Variants in PSMD9 observed in about 807,000 individuals in gnomAD.
PSMD9 encodes the protein 26S proteasome non-ATPase regulatory subunit 9.
In PSMD9, 26 loss-of-function variants were observed where a neutral mutation model predicts 25.9. The ratio of observed to expected loss-of-function variants is 1.00; its 90% CI spans 0.73 to 1.39. The LOEUF (loss-of-function observed/expected upper bound fraction) is 1.39. PSMD9 is among the 40% of genes most tolerant of loss of function. The pLI is 0.00. For synonymous variants in PSMD9, 110 were observed against 114.5 expected (o/e 0.96, Z 0.25); for missense variants, 303 against 299.3 (o/e 1.01, Z -0.09).
chr12:121,897,652 G>A (rs1879273775), intron 2 of PSMD9: 2 of 149,552 alleles, frequency 1.3e-5, no homozygotes, highest in African/African-American at 5.1e-5. Context: ...CGCCCGCCTC[G>A]GCCTCGACAG....
intron 4 of PSMD9, chr12:121,914,225 C>A (rs1879825728): frequency 6.6e-6 from 1 of 151,954 alleles, no homozygotes. Context: ...TATGTACTCC[C>A]CCTGCTTTAA....
At chr12:121,907,226 C>T (rs1399304969) in intron 4 of PSMD9, among the ~76,000 whole-genome samples, 4 of 151,786 alleles carry the variant, frequency 2.6e-5, no homozygotes, top group Admixed American at 2.0e-4. Context: ...CCCGCCACCA[C>T]GCCCAGCTAA....
intron 4 of PSMD9, among the ~76,000 whole-genome samples, chr12:121,906,749 G>T (rs1259922434): frequency 6.6e-6 from 1 of 151,886 alleles, no homozygotes; most frequent in Non-Finnish European, 1.5e-5. Context: ...CGGAGGCAGA[G>T]GTTGCAGTGA....
At chr12:121,908,778 G>C (rs1879632646) in intron 4 of PSMD9, among the ~76,000 whole-genome samples, 1 of 152,156 alleles carries the variant, frequency 6.6e-6, no homozygotes, top group African/African-American at 2.4e-5. Flanking sequence ...CTTCAGATGT[G>C]TATAGAAGTT....
chr12:121,910,265 T>C (rs754283969), intron 4 of PSMD9, among the ~76,000 whole-genome samples: 1 of 151,348 alleles, frequency 6.6e-6, no homozygotes, highest in Non-Finnish European at 1.5e-5. Context: ...TTTGTATTTT[T>C]AGTAGAGATG....
intron 1 of PSMD9, among the ~76,000 whole-genome samples, chr12:121,892,867 C>G (rs1402873339): frequency 6.6e-6 from 1 of 152,104 alleles, no homozygotes; most frequent in Non-Finnish European, 1.5e-5. Context: ...AAGATCTTGT[C>G]TCAAACCAAT....
chr12:121,904,468 G>A (rs943019558), intron 4 of PSMD9, among the ~76,000 whole-genome samples: 1 of 150,210 alleles, frequency 6.7e-6, no homozygotes, highest in African/African-American at 2.5e-5. Flanking sequence ...CAGTTACTTG[G>A]GAGACTGAGG....
chr12:121,899,928 T>C, intron 3 of PSMD9, 83 bp downstream of exon 3: 1 of 1,469,360 alleles, frequency 6.8e-7, no homozygotes. Context: ...AAAGACAGAC[T>C]AGTTCTCTCC....
intron 1 of PSMD9, chr12:121,893,835 G>A (rs1241189357): frequency 6.6e-6 from 1 of 152,272 alleles, no homozygotes; most frequent in Non-Finnish European, 1.5e-5. Flanking sequence ...GGGTTAGCTC[G>A]TGGTTATCTG....
intron 4 of PSMD9, among the ~76,000 whole-genome samples, chr12:121,912,834 C>T (rs1169400639): frequency 7.0e-6 from 1 of 142,890 alleles, no homozygotes; most frequent in African/African-American, 2.6e-5. Context: ...CATCACTACA[C>T]TCCAGCCTGG....
At chr12:121,907,301 C>T (rs1429144490) in intron 4 of PSMD9, among the ~76,000 whole-genome samples, 1 of 151,916 alleles carries the variant, frequency 6.6e-6, no homozygotes, top group African/African-American at 2.4e-5. Context: ...AACTCCTGAC[C>T]TCAGGTGATC....
intron 1 of PSMD9, among the ~76,000 whole-genome samples, chr12:121,891,375 C>T (rs1263190513): frequency 4.4e-5 from 6 of 136,398 alleles, no homozygotes; most frequent in East Asian, 2.3e-4. Flanking sequence ...CCGAGGCGGG[C>T]GGATCACGAG....
At chr12:121,913,120 A>G (rs1879783961) in intron 4 of PSMD9, among the ~76,000 whole-genome samples, 1 of 151,366 alleles carries the variant, frequency 6.6e-6, no homozygotes, top group South Asian at 2.1e-4. Context: ...TTGTGTGTGT[A>G]TTTTTAGTAG....
chr12:121,889,580 T>A (rs565762171), intron 1 of PSMD9, among the ~76,000 whole-genome samples: 7 of 152,210 alleles, frequency 4.6e-5, no homozygotes, highest in Non-Finnish European at 8.8e-5. Context: ...GGGGATCTTA[T>A]TAAAATGCAG....
At chr12:121,903,805 A>G (rs1374639485) in intron 4 of PSMD9, among the ~76,000 whole-genome samples, 4 of 141,716 alleles carry the variant, frequency 2.8e-5, no homozygotes, top group Non-Finnish European at 6.0e-5. Flanking sequence ...CCCAGGCTAG[A>G]GTGTGGTGGT....
rs575707468 is a variant in PSMD9, at chr12:121,904,530, C to T, written c.555+1423C>T. Among the ~76,000 whole-genome samples the T allele has an allele frequency of 1.0e-3, 155 of 150,670 alleles. 3 individuals are homozygous for T. Among genetic ancestry groups the T allele is most frequent in the African/African-American group, 3.0e-3 (123 of 40,774 alleles). On this transcript the variant is annotated intron_variant, in intron 4 of 5. Coordinates refer to ENST00000541212, the MANE Select transcript of PSMD9 (RefSeq NM_002813.7). The stretch of plus-strand genomic sequence containing the variant: ...CAGAGCTTGCAGTGAGCCGAGATCG[C>T]GCCATTGCACTCCAGCCTAGGCGAC...
rs766391785 is a variant in PSMD9 at position 121,916,094 on chromosome 12, C to G, written c.644+150C>G. 10 of 1,159,440 alleles carry G rather than the reference C, an allele frequency of 8.6e-6. No individual in the cohort carries two copies. The Admixed American group carries it at 1.4e-4, about 16-fold the overall frequency. 71.8% of individuals were successfully genotyped at this position (1,159,440 alleles called of 1,614,324 possible). The stretch of plus-strand genomic sequence containing the variant: ...TGCAGATAAATCCTCGTGGTAGGAA[C>G]GAGACTACAGCTCTAGAAGCAGAGG... On this transcript the variant is annotated intron_variant, in intron 5 of 5. Coordinates refer to ENST00000541212, the MANE Select transcript of PSMD9 (RefSeq NM_002813.7).
At chr12:121,896,044 C>T (rs1006848104) in intron 2 of PSMD9, among the ~76,000 whole-genome samples, 1 of 151,700 alleles carries the variant, frequency 6.6e-6, no homozygotes, top group Non-Finnish European at 1.5e-5. Flanking sequence ...CTCGCTCTGT[C>T]ACCCAGGTTG....
chr12:121,898,411 G>A (rs1188520079), intron 2 of PSMD9: 2 of 152,222 alleles, frequency 1.3e-5, no homozygotes, highest in Admixed American at 1.3e-4. Context: ...CAAAGATTTT[G>A]TAGCATTGGG....
Sources: gnomAD v4.1 joint callset for allele counts (sites outside exome capture counted in the v4.1 genomes callset) on GRCh38, gnomAD v4.1.1 for gene constraint, MANE v1.5 for transcripts, NCBI Gene and HGNC (gene_info 2026-07-23, HGNC 2026-07-21) for gene names.